Variants in COL25A1 observed in about 807,000 individuals in gnomAD.
The protein encoded by COL25A1 is collagen type XXV alpha 1 chain.
Under a neutral mutation model 128.4 loss-of-function variants are expected in COL25A1, and 103 were observed. The observed-to-expected ratio is 0.80, with a 90% CI of 0.68 to 0.94. COL25A1 has a LOEUF of 0.94. COL25A1 is among the 40% of genes least tolerant of loss of function. COL25A1 has a pLI of 0.00. For missense variants in COL25A1, 745 were observed against 840.0 expected (o/e 0.89, Z 1.40); for synonymous variants, 279 against 277.2 (o/e 1.01, Z -0.06).
intron 8 of COL25A1, among the ~76,000 whole-genome samples, chr4:108,955,693 A>G (rs1470079868): frequency 6.6e-6 from 1 of 152,178 alleles, no homozygotes; most frequent in Non-Finnish European, 1.5e-5. Context: ...CAAAAAGAGT[A>G]TATTCCGTTA....
chr4:108,917,569 T>C (rs961104521), intron 13 of COL25A1, among the ~76,000 whole-genome samples: 3 of 152,220 alleles, frequency 2.0e-5, no homozygotes, highest in Non-Finnish European at 4.4e-5. Flanking sequence ...AGTAAGTATG[T>C]TGCAGGAGTA....
At chr4:108,843,557 G>A (rs2125754995) in intron 30 of COL25A1, among the ~76,000 whole-genome samples, 1 of 152,218 alleles carries the variant, frequency 6.6e-6, no homozygotes, top group Middle Eastern at 3.4e-3. Context: ...CTTCCTCACT[G>A]GACATCAGTT....
chr4:109,175,614 T>C (rs889684173), intron 3 of COL25A1, among the ~76,000 whole-genome samples: 10 of 152,206 alleles, frequency 6.6e-5, no homozygotes, highest in African/African-American at 2.4e-4. Context: ...TCATAAAACA[T>C]GAGATTTTAT....
rs1751142252 is a variant in COL25A1 at position 108,965,090 on chromosome 4, G to T, written c.492+9277C>A. Among the ~76,000 whole-genome samples the T allele has an allele frequency of 2.0e-5, 3 of 152,168 alleles. No individual in the cohort carries two copies. The South Asian group carries it at 6.2e-4, about 32-fold the overall frequency. On this transcript the variant is annotated intron_variant, in intron 8 of 37. Transcript: ENST00000399132. ...TCTTTAATCATTCAAGTCAACAAAG[G>T]TTAAGATAATAAAATAAACTTCTAA...
At chr4:109,182,701 A>G (rs902564462) in intron 3 of COL25A1, among the ~76,000 whole-genome samples, 33 of 152,212 alleles carry the variant, frequency 2.2e-4, no homozygotes, top group African/African-American at 7.9e-4. Flanking sequence ...ATTAAACAAA[A>G]CTGCGATGAC....
At chr4:109,151,776 T>C (rs751567064) in intron 3 of COL25A1, among the ~76,000 whole-genome samples, 22 of 152,152 alleles carry the variant, frequency 1.4e-4, no homozygotes, top group Non-Finnish European at 1.3e-4. Context: ...TTCTAAAGAT[T>C]CTCTGAATAT....
At chr4:108,814,770 G>C (rs1281915040) in intron 37 of COL25A1, among the ~76,000 whole-genome samples, 2 of 152,154 alleles carry the variant, frequency 1.3e-5, no homozygotes, top group East Asian at 3.9e-4. Flanking sequence ...AGTGGCAAAT[G>C]TTTGCTTGAC....
At chr4:109,260,431 C>G (rs894268556) in intron 3 of COL25A1, among the ~76,000 whole-genome samples, 36 of 152,092 alleles carry the variant, frequency 2.4e-4, no homozygotes, top group African/African-American at 8.7e-4. Context: ...TATACCTTAG[C>G]CCCCCTCCCA....
intron 11 of COL25A1, among the ~76,000 whole-genome samples, chr4:108,926,567 T>C (rs1204369230): frequency 1.3e-5 from 2 of 152,172 alleles, no homozygotes; most frequent in Non-Finnish European, 2.9e-5. Flanking sequence ...TATGGAGTCA[T>C]AAAACATTAG....
intron 3 of COL25A1, among the ~76,000 whole-genome samples, chr4:109,223,352 G>A (rs1029171502): frequency 3.3e-5 from 5 of 151,992 alleles, no homozygotes; most frequent in Non-Finnish European, 7.4e-5. Context: ...AAGTTGGGAT[G>A]CATTTTTACA....
chr4:109,227,159 C>A (rs1279411967), intron 3 of COL25A1, among the ~76,000 whole-genome samples: 1 of 151,936 alleles, frequency 6.6e-6, no homozygotes, highest in African/African-American at 2.4e-5. Flanking sequence ...GAAATTTCTT[C>A]GTTTTTTGAG....
chr4:109,067,135 C>G (rs1022844297), intron 3 of COL25A1, among the ~76,000 whole-genome samples: 4 of 152,142 alleles, frequency 2.6e-5, no homozygotes, highest in African/African-American at 9.7e-5. Flanking sequence ...CAATGGTGAA[C>G]TAACGGTCCC....
At chr4:109,220,872 T>C (rs1286756976) in intron 3 of COL25A1, among the ~76,000 whole-genome samples, 1 of 152,110 alleles carries the variant, frequency 6.6e-6, no homozygotes, top group Non-Finnish European at 1.5e-5. Context: ...CATTTATAAT[T>C]CCTCTGAAAA....
chr4:108,939,754 C>A (rs1747862202), intron 10 of COL25A1, among the ~76,000 whole-genome samples: 1 of 151,988 alleles, frequency 6.6e-6, no homozygotes, highest in South Asian at 2.1e-4. Flanking sequence ...AATTTCTAGT[C>A]CTAAAGTCAT....
At chr4:108,820,632 C>T (rs1007974319) in intron 35 of COL25A1, among the ~76,000 whole-genome samples, 1 of 151,596 alleles carries the variant, frequency 6.6e-6, no homozygotes, top group African/African-American at 2.4e-5. Context: ...ACCTAGGGAT[C>T]TTCTTTAATT....
chr4:109,006,907 G>T (rs79459692), intron 6 of COL25A1, among the ~76,000 whole-genome samples: 1 of 151,948 alleles, frequency 6.6e-6, no homozygotes, highest in Non-Finnish European at 1.5e-5. Context: ...GGGCACCTGT[G>T]GGGGCTTGGG....
At chr4:108,868,893 G>T (rs1738312867) in intron 20 of COL25A1, among the ~76,000 whole-genome samples, 195 bp downstream of exon 20, 1 of 137,454 alleles carries the variant, frequency 7.3e-6, no homozygotes, top group Non-Finnish European at 1.6e-5. Context: ...AAGAAAGATG[G>T]AAGGAAAGAG....
intron 12 of COL25A1, among the ~76,000 whole-genome samples, chr4:108,919,233 A>G (rs1398677502): frequency 6.6e-6 from 1 of 152,208 alleles, no homozygotes; most frequent in Non-Finnish European, 1.5e-5. Context: ...AAAAAACAGT[A>G]ATTATAATCA....
At chr4:109,093,343 G>A (rs1358414579) in intron 3 of COL25A1, among the ~76,000 whole-genome samples, 2 of 151,628 alleles carry the variant, frequency 1.3e-5, no homozygotes. Flanking sequence ...ATACAGGCTG[G>A]GTGCAGTGGC....
Sources: allele counts gnomAD v4.1 joint callset (sites outside exome capture counted in the v4.1 genomes callset), GRCh38; gene constraint gnomAD v4.1.1; transcripts MANE v1.5; gene names NCBI Gene and HGNC (gene_info 2026-07-23, HGNC 2026-07-21).